The following CCDC125 variants were observed in gnomAD, a reference collection of about 807,000 sequenced individuals.
CCDC125 encodes coiled-coil domain-containing protein 125.
A neutral mutation model predicts 57.4 loss-of-function variants in CCDC125; 43 were observed. That is an observed-to-expected ratio of 0.75 (90% CI 0.59 to 0.97). The LOEUF is 0.97. Ranked by LOEUF, CCDC125 falls within the 50% of genes least tolerant of loss-of-function variation. The pLI is 0.00. For synonymous variants in CCDC125, 187 were observed against 195.2 expected (o/e 0.96, Z 0.35); for missense variants, 563 against 595.7 (o/e 0.95, Z 0.57).
At chr5:69,311,252 C>A (rs534157250) in intron 3 of CCDC125, 48 bp from the exon 4 acceptor site, 4 of 1,154,574 alleles carry the variant, frequency 3.5e-6, no homozygotes, top group African/African-American at 3.1e-5. Context: ...GATATGCAAC[C>A]CTAAAATTAT....
rs1752574536 is a variant in CCDC125, at chr5:69,282,481, G to C, written c.*248C>G. ...GGAGGCTGAGGCAGGAGAATTGCTT[G>C]AACCGGGAGGCGGAGGTTGCAGTGA... is the stretch of plus-strand genomic sequence containing the variant. On this transcript the variant is annotated 3_prime_UTR_variant, in exon 12 of 12. Transcript: ENST00000396496. The C allele has an allele frequency of 2.9e-6, 1 of 341,180 alleles. No individual in the cohort carries two copies. Among genetic ancestry groups the C allele is most frequent in the Non-Finnish European group, 5.2e-6 (1 of 190,662 alleles). The allele number at this position is 341,180 out of a possible 1,614,324, so 21.1% of individuals were successfully genotyped here. A position where few individuals can be genotyped will look rare whatever the true frequency, so the allele number is the denominator to read the frequency against.
chr5:69,325,564 G>A (rs1197967454), intron 1 of CCDC125, among the ~76,000 whole-genome samples: 3 of 150,530 alleles, frequency 2.0e-5, no homozygotes, highest in Non-Finnish European at 4.4e-5. Context: ...AGTGGCTCAC[G>A]TCTGTAATCC....
chr5:69,328,535 C>A (rs1019344459), intron 1 of CCDC125, among the ~76,000 whole-genome samples: 1 of 151,742 alleles, frequency 6.6e-6, no homozygotes, highest in Admixed American at 6.6e-5. Context: ...ATAGACTAGG[C>A]AGCAACATGA....
Position 69,315,437 on chromosome 5 carries a change from C to CAAA in CCDC125, c.305-1394_305-1392dup, listed in dbSNP as rs35967140. 3.6e-3 allele frequency among the ~76,000 whole-genome samples: 71 copies of CAAA among 19,994 alleles called. 3 individuals are homozygous for CAAA. The highest frequency in any genetic ancestry group is 9.7e-3 in the South Asian group (4 of 414). The allele number at this position is 19,994 out of a possible 152,430, so 13.1% of individuals were successfully genotyped here. ...TAGGTAACAGAGCGAGATTCTGTCTCAAAAAAAAAAAACAAAAAAAAAAAC... is the reference window on the plus strand; with the variant it reads ...TAGGTAACAGAGCGAGATTCTGTCTCAAAAAAAAAAAAAAACAAAAAAAAAAAC... On this transcript the variant is annotated intron_variant, in intron 2 of 11. Coordinates refer to ENST00000396496, the MANE Select transcript of CCDC125 (RefSeq NM_176816.5).
chr5:69,289,862 C>CAAAAAAAAAAAAAAAAAAAA (rs11284379), intron 10 of CCDC125, among the ~76,000 whole-genome samples: 1 of 111,550 alleles, frequency 9.0e-6, no homozygotes. Context: ...GATGCTGCCT[C>CAAAAAAAAAAAAAAAAAAAA]AAAAAAAAAA....
intron 8 of CCDC125, 112 bp downstream of exon 8, chr5:69,299,900 C>T (rs779025326): frequency 2.4e-5 from 21 of 863,192 alleles, no homozygotes; most frequent in Non-Finnish European, 4.0e-5. Context: ...TCACTCCCAT[C>T]CTCAAATTGC....
downstream of CCDC125, chr5:69,277,106 G>T: frequency 6.3e-7 from 1 of 1,593,096 alleles, no homozygotes; most frequent in South Asian, 1.2e-5. Context: ...TTGCTTCCTA[G>T]GAGGATTGCC....
rs765673393 is a variant in CCDC125 at position 69,311,217 on chromosome 5, A to G, written c.367-13T>C. The G allele has an allele frequency of 6.5e-7, 1 of 1,539,244 alleles. No homozygotes were observed. Among genetic ancestry groups the G allele is most frequent in the South Asian group, 1.1e-5 (1 of 88,108 alleles). On this transcript the variant is annotated splice_polypyrimidine_tract_variant and intron_variant, in intron 3 of 11. Transcript: ENST00000396496. ...ACATTTCTACCTCCTGAGGACAGAA[A>G]GAAAATTAGTCTTCCTATCTGCAAG...
chr5:69,311,345 C>A lies in CCDC125; in HGVS notation c.367-141G>T. ...ATTCTTCTAGACTTAGTGAGTGAAC[C>A]AGACATACTAAAATTGAAAGCCTCG... is the stretch of plus-strand genomic sequence containing the variant. On this transcript the variant is annotated intron_variant, in intron 3 of 11. Transcript: ENST00000396496. 5.5e-6 allele frequency: 3 copies of A among 540,986 alleles called. No homozygotes were observed. The South Asian group carries it at 6.5e-5, about 12-fold the overall frequency. The allele number at this position is 540,986 out of a possible 1,614,324, so 33.5% of individuals were successfully genotyped here. A position where few individuals can be genotyped will look rare whatever the true frequency, so the allele number is the denominator to read the frequency against.
At chr5:69,314,809 C>CA (rs1309564357) in intron 2 of CCDC125, among the ~76,000 whole-genome samples, 1 of 151,546 alleles carries the variant, frequency 6.6e-6, no homozygotes. Flanking sequence ...CTAAAAAAAA[C>CA]AAAAAAGGAC....
chr5:69,313,676 G>T, intron 3 of CCDC125: 1 of 755,584 alleles, frequency 1.3e-6, no homozygotes, highest in South Asian at 1.4e-5. Context: ...CATAGGGGTT[G>T]TCGATGGTCT....
At chr5:69,310,765 T>C (rs1371536680) in intron 4 of CCDC125, 1 of 159,140 alleles carries the variant, frequency 6.3e-6, no homozygotes, top group African/African-American at 2.4e-5. Context: ...TATGATTCTA[T>C]TTATATTAAA....
At position 69,313,983 on chromosome 5, in the gene CCDC125, A is replaced by T. The variant is rs998579873; in HGVS notation, c.366+2T>A. The T allele has an allele frequency of 3.1e-6, 5 of 1,600,312 alleles. No homozygotes were observed. In the South Asian group the frequency reaches 4.4e-5, roughly 14 times the overall value. ...AATTTTTATATTAGCCAGAGTACCT[A>T]CCTCTAAAGTTTCATTAAGACATTG... On this transcript the variant is annotated splice_donor_variant, in intron 3 of 11. Transcript: ENST00000396496. LOFTEE classifies it high-confidence loss of function.
At chr5:69,298,256 C>T (rs1466914076) in intron 8 of CCDC125, among the ~76,000 whole-genome samples, 1 of 152,024 alleles carries the variant, frequency 6.6e-6, no homozygotes, top group Non-Finnish European at 1.5e-5. Flanking sequence ...CCTTGTGATC[C>T]GCCCGCCTCG....
intron 1 of CCDC125, among the ~76,000 whole-genome samples, chr5:69,321,939 C>G (rs549539785): frequency 1.3e-5 from 2 of 152,058 alleles, no homozygotes; most frequent in African/African-American, 4.8e-5. Flanking sequence ...CGGGTTCAAG[C>G]GATTATCCTG....
intron 1 of CCDC125, among the ~76,000 whole-genome samples, chr5:69,324,808 T>C (rs953187714): frequency 1.3e-5 from 2 of 151,636 alleles, no homozygotes; most frequent in African/African-American, 4.8e-5. Flanking sequence ...AGGCCAGGAG[T>C]TCGAAACCAG....
chr5:69,282,981 A>G lies in CCDC125; in HGVS notation c.1284T>C (p.Leu428=). Residue 428 remains leucine, a synonymous_variant, in exon 12 of 12, where the codon CTT becomes CTC. Coordinates refer to ENST00000396496, the MANE Select transcript of CCDC125 (RefSeq NM_176816.5). The part of the protein sequence containing the change: ...LAHQRKVSYM[L]ARALEDKDTA... ...TGTCTTTGTCTTCCAATGCCCGAGC[A>G]AGCATGTAGCTAACTTTTCTTTGAT... 6.8e-6 allele frequency: 11 copies of G among 1,610,838 alleles called. No individual in the cohort carries two copies. The highest frequency in any genetic ancestry group is 5.5e-5 in the South Asian group (5 of 90,132).
chr5:69,311,860 A>C (rs550614636), intron 3 of CCDC125, among the ~76,000 whole-genome samples: 59 of 152,024 alleles, frequency 3.9e-4, no homozygotes, highest in South Asian at 1.5e-3. Context: ...CAGCCTCCCG[A>C]GTAGCTGGGA....
At chr5:69,298,846 C>T (rs923841378) in intron 8 of CCDC125, among the ~76,000 whole-genome samples, 2 of 152,186 alleles carry the variant, frequency 1.3e-5, no homozygotes, top group African/African-American at 4.8e-5. Context: ...TGCTCAAAAG[C>T]ACAGACTCTA....
Sources: gnomAD v4.1 joint callset for allele counts (sites outside exome capture counted in the v4.1 genomes callset) on GRCh38, gnomAD v4.1.1 for gene constraint, MANE v1.5 for transcripts, NCBI Gene and HGNC (gene_info 2026-07-23, HGNC 2026-07-21) for gene names.